Variants in SHTN1 observed in about 807,000 individuals in gnomAD.
SHTN1 encodes shootin 1.
A neutral mutation model predicts 83.1 loss-of-function variants in SHTN1; 42 were observed. That is an observed-to-expected ratio of 0.51 (90% CI 0.39 to 0.65). SHTN1 has a LOEUF of 0.65. Among genes scored for constraint, SHTN1 ranks in the 30% least tolerant of loss-of-function variants. The pLI, the probability that SHTN1 is intolerant of heterozygous loss-of-function variation, is 0.00. For missense variants in SHTN1, 622 were observed against 737.8 expected (o/e 0.84, Z 1.82); for synonymous variants, 224 against 247.7 (o/e 0.90, Z 0.90).
chr10:117,099,009 T>TACACACACACACAC (rs371738555), intron 1 of SHTN1, among the ~76,000 whole-genome samples: 1,773 of 141,082 alleles, frequency 0.013, 20 homozygotes, highest in Non-Finnish European at 0.016. Context: ...GTGGTATGTA[T>TACACACACACACAC]ACACACACAC....
chr10:117,049,355 AAAAC>A (rs1472987178), intron 1 of SHTN1, among the ~76,000 whole-genome samples: 6 of 152,282 alleles, frequency 3.9e-5, no homozygotes, highest in East Asian at 3.9e-4. Flanking sequence ...TTGTTGGAAA[AAAAC>A]AAACAAACAA....
chr10:117,002,159 A>C (rs912039337), intron 1 of SHTN1, among the ~76,000 whole-genome samples: 6 of 152,238 alleles, frequency 3.9e-5, no homozygotes, highest in African/African-American at 1.4e-4. Flanking sequence ...AATGTCTAGC[A>C]AAAGTAAATG....
chr10:116,955,222 G>A (rs1161199856), intron 4 of SHTN1, among the ~76,000 whole-genome samples: 1 of 151,360 alleles, frequency 6.6e-6, no homozygotes, highest in Non-Finnish European at 1.5e-5. Context: ...TAGCTAATGT[G>A]TTTATGTACA....
intron 1 of SHTN1, among the ~76,000 whole-genome samples, chr10:116,991,775 T>G (rs1851444453): frequency 6.6e-6 from 1 of 152,110 alleles, no homozygotes. Context: ...ACTTCCAAAC[T>G]ATACAAATTT....
At chr10:117,078,511 A>G (rs1853197959) in intron 1 of SHTN1, among the ~76,000 whole-genome samples, 1 of 152,218 alleles carries the variant, frequency 6.6e-6, no homozygotes, top group Non-Finnish European at 1.5e-5. Flanking sequence ...AAGCTCTGCC[A>G]TGATTTTGGG....
Position 116,940,577 on chromosome 10 carries a change from G to A in SHTN1, c.747C>T (p.Ser249=). Residue 249 remains serine, a synonymous_variant, in exon 9 of 17, where the codon AGC becomes AGT. Coordinates refer to ENST00000355371, the MANE Select transcript of SHTN1 (RefSeq NM_001127211.3). ...FIEQNKLKRQ[S]HLLLQSSIPD... ...GGATGGAGCTCTGCAGCAGAAGGTG[G>A]CTTTGTCTCTTTAGCTTGTTTTGCT... 1 of 1,611,530 alleles carries A rather than the reference G, an allele frequency of 6.2e-7. No homozygotes were observed. The highest frequency in any genetic ancestry group is 1.7e-4 in the Middle Eastern group (1 of 6,040).
intron 2 of SHTN1, among the ~76,000 whole-genome samples, chr10:117,040,396 C>T (rs1447060418): frequency 6.6e-6 from 1 of 152,092 alleles, no homozygotes; most frequent in Non-Finnish European, 1.5e-5. Context: ...AACAGTGACA[C>T]CAATGAAATT....
At chr10:117,089,200 G>A (rs1749837584) in intron 1 of SHTN1, among the ~76,000 whole-genome samples, 1 of 152,190 alleles carries the variant, frequency 6.6e-6, no homozygotes, top group African/African-American at 2.4e-5. Context: ...GGAATTTTGA[G>A]GGTGACAGAA....
At chr10:117,061,457 C>T (rs1852902678) in intron 1 of SHTN1, among the ~76,000 whole-genome samples, 1 of 151,812 alleles carries the variant, frequency 6.6e-6, no homozygotes, top group Non-Finnish European at 1.5e-5. Context: ...CTTGGCCTCC[C>T]ATCACATAGG....
intron 1 of SHTN1, among the ~76,000 whole-genome samples, chr10:117,067,193 C>T (rs1812546889): frequency 6.6e-6 from 1 of 152,158 alleles, no homozygotes; most frequent in Non-Finnish European, 1.5e-5. Flanking sequence ...GAGACATTAG[C>T]AAGAACTAGG....
At chr10:116,891,576 T>G (rs948392615) in intron 16 of SHTN1, among the ~76,000 whole-genome samples, 5 of 152,230 alleles carry the variant, frequency 3.3e-5, no homozygotes, top group Admixed American at 6.5e-5. Context: ...AGGAAGTTCC[T>G]TTTATATTTT....
At chr10:117,123,488 C>T (rs965619987) in intron 1 of SHTN1, among the ~76,000 whole-genome samples, 2 of 152,150 alleles carry the variant, frequency 1.3e-5, no homozygotes, top group East Asian at 1.9e-4. Flanking sequence ...CCCTTAACTT[C>T]CAATAATGAC....
rs1411974339 is a variant in SHTN1, at chr10:116,980,065, G to GT, written c.59-758_59-757insA. ...GTACTTAAAATCGTTTATTGCCCCT[G>GT]CCCAGAAAAAAAAAACGAAACCTAA... On this transcript the variant is annotated intron_variant, in intron 1 of 16. Transcript: ENST00000355371. Among the ~76,000 whole-genome samples the GT allele has an allele frequency of 7.4e-4, 109 of 147,390 alleles. 2 individuals are homozygous for GT. In the South Asian group the frequency reaches 0.023, roughly 30 times the overall value.
chr10:117,046,599 C>G (rs1186606191), intron 2 of SHTN1, among the ~76,000 whole-genome samples: 1 of 152,118 alleles, frequency 6.6e-6, no homozygotes, highest in Non-Finnish European at 1.5e-5. Context: ...TCATAAGAGT[C>G]AAGAACTAAA....
At chr10:117,119,628 T>C (rs1465497892) in intron 1 of SHTN1, among the ~76,000 whole-genome samples, 1 of 152,034 alleles carries the variant, frequency 6.6e-6, no homozygotes, top group Non-Finnish European at 1.5e-5. Flanking sequence ...TGGAGAACAG[T>C]AGAGCTACCA....
intron 2 of SHTN1, among the ~76,000 whole-genome samples, chr10:117,025,524 T>A (rs1852322387): frequency 6.6e-6 from 1 of 152,096 alleles, no homozygotes; most frequent in African/African-American, 2.4e-5. Flanking sequence ...CCAGAAATAC[T>A]GAACTGGTGG....
At chr10:116,981,813 C>T (rs906078659) in intron 1 of SHTN1, among the ~76,000 whole-genome samples, 2 of 152,112 alleles carry the variant, frequency 1.3e-5, no homozygotes, top group Non-Finnish European at 2.9e-5. Context: ...AATGCCAGCA[C>T]TTTGAGAGGG....
intron 1 of SHTN1, among the ~76,000 whole-genome samples, chr10:117,078,671 G>C (rs987553569): frequency 5.9e-5 from 9 of 152,320 alleles, no homozygotes; most frequent in African/African-American, 1.9e-4. Flanking sequence ...ACCACTAGTA[G>C]GAGTGCTTTA....
chr10:116,882,963 G>C lies in SHTN1; in HGVS notation c.*3381C>G, dbSNP rs901110059. 3 of 142,282 alleles carry C rather than the reference G, an allele frequency of 2.1e-5. No individual in the cohort carries two copies. Among genetic ancestry groups the C allele is most frequent in the African/African-American group, 5.8e-5 (2 of 34,626 alleles). 8.8% of individuals were successfully genotyped at this position (142,282 alleles called of 1,614,324 possible). A position where few individuals can be genotyped will look rare whatever the true frequency, so the allele number is the denominator to read the frequency against. ...ATGACTGGGTGTTCACATACCCTTT[G>C]AAAAATACACACACACACACACACA... On this transcript the variant is annotated 3_prime_UTR_variant, in exon 17 of 17. Coordinates refer to ENST00000355371, the MANE Select transcript of SHTN1 (RefSeq NM_001127211.3).
Sources: allele counts gnomAD v4.1 joint callset (sites outside exome capture counted in the v4.1 genomes callset), GRCh38; gene constraint gnomAD v4.1.1; transcripts MANE v1.5; gene names NCBI Gene and HGNC (gene_info 2026-07-23, HGNC 2026-07-21).